The following ARHGAP19 variants were observed in gnomAD, a reference collection of about 807,000 sequenced individuals.
ARHGAP19 encodes the protein Rho GTPase activating protein 19.
ARHGAP19 carries 48 observed loss-of-function variants against 60.9 expected under a neutral mutation model. The ratio of observed to expected loss-of-function variants is 0.79; its 90% CI spans 0.62 to 1.00. The LOEUF is 1.00. Ranked by LOEUF, ARHGAP19 falls within the 50% of genes least tolerant of loss-of-function variation. The probability of loss-of-function intolerance (pLI) is 0.00; values close to 1 mark genes in which losing one functional copy is unlikely to be tolerated. For synonymous variants in ARHGAP19, 209 were observed against 215.5 expected (o/e 0.97, Z 0.27); for missense variants, 562 against 597.2 (o/e 0.94, Z 0.61).
intron 8 of ARHGAP19, among the ~76,000 whole-genome samples, chr10:97,241,982 C>A (rs1354950696): frequency 6.7e-6 from 1 of 149,948 alleles, no homozygotes; most frequent in Non-Finnish European, 1.5e-5. Flanking sequence ...TGCATTCCAG[C>A]CTGGGCGACA....
chr10:97,250,331 TAAAGGTCTTC>T (rs1842625473), intron 6 of ARHGAP19, among the ~76,000 whole-genome samples: 3 of 152,212 alleles, frequency 2.0e-5, no homozygotes, highest in South Asian at 4.1e-4. Flanking sequence ...TTTTTCAAAA[TAAAGGTCTTC>T]AAAGAGTCTC....
intron 6 of ARHGAP19, among the ~76,000 whole-genome samples, chr10:97,255,822 G>A (rs1842745916): frequency 6.6e-6 from 1 of 152,134 alleles, no homozygotes; most frequent in Non-Finnish European, 1.5e-5. Context: ...AGGTGACCAA[G>A]GTAGGGAAAG....
intron 8 of ARHGAP19, among the ~76,000 whole-genome samples, chr10:97,238,878 T>C (rs1842424287): frequency 6.6e-6 from 1 of 152,220 alleles, no homozygotes; most frequent in African/African-American, 2.4e-5. Flanking sequence ...CTTCCAATCC[T>C]GCAAGCTCCA....
intron 8 of ARHGAP19, among the ~76,000 whole-genome samples, chr10:97,237,888 C>T: frequency 6.6e-6 from 1 of 151,636 alleles, no homozygotes; most frequent in Admixed American, 6.6e-5. Flanking sequence ...AAACAAAAAA[C>T]AAAAAAACAA....
chr10:97,273,907 C>CTATGTACAAGCTATGTACAA lies in ARHGAP19; in HGVS notation c.57-7783_57-7782insTTGTACATAGCTTGTACATA, dbSNP rs530765690. Among the ~76,000 whole-genome samples the CTATGTACAAGCTATGTACAA allele has an allele frequency of 2.8e-3, 424 of 152,062 alleles. 1 individual carries two copies. The highest frequency in any genetic ancestry group is 3.5e-3 in the Non-Finnish European group (240 of 67,992). Reference sequence around the variant, plus strand: ...AGTAATGAAAATGGACAGACTCTAGCTATATGTACAATCACAGCTAAATCT... The same window carrying CTATGTACAAGCTATGTACAA: ...AGTAATGAAAATGGACAGACTCTAGCTATGTACAAGCTATGTACAATATATGTACAATCACAGCTAAATCT... On this transcript the variant is annotated intron_variant, in intron 1 of 11. Coordinates refer to ENST00000358531, the MANE Select transcript of ARHGAP19 (RefSeq NM_032900.6).
At chr10:97,236,263 C>T (rs918238523) in intron 8 of ARHGAP19, among the ~76,000 whole-genome samples, 1 of 152,260 alleles carries the variant, frequency 6.6e-6, no homozygotes, top group Non-Finnish European at 1.5e-5. Flanking sequence ...AGGCGTGAGA[C>T]ACCACACCCA....
intron 1 of ARHGAP19, among the ~76,000 whole-genome samples, chr10:97,278,387 G>A (rs756801664): frequency 1.3e-5 from 2 of 152,140 alleles, no homozygotes; most frequent in Admixed American, 6.5e-5. Context: ...CATGCCAAAC[G>A]TAACTTTCTG....
chr10:97,270,363 A>T (rs958223863), intron 1 of ARHGAP19, among the ~76,000 whole-genome samples: 2 of 152,240 alleles, frequency 1.3e-5, no homozygotes, highest in Non-Finnish European at 2.9e-5. Flanking sequence ...GATGGAAAAG[A>T]GTTACAGCGG....
rs188858831 is a variant in ARHGAP19, at chr10:97,225,997, G to T, written c.*125C>A. Reference sequence around the variant, plus strand: ...AGGTATCAGTCGGGTCACGGTATTAGTTGGCTTTGACAATTCAAAATGCAG... The same window carrying T: ...AGGTATCAGTCGGGTCACGGTATTATTTGGCTTTGACAATTCAAAATGCAG... On this transcript the variant is annotated 3_prime_UTR_variant, in exon 12 of 12. Coordinates refer to ENST00000358531, the MANE Select transcript of ARHGAP19 (RefSeq NM_032900.6). The T allele has an allele frequency of 1.1e-5, 11 of 1,026,430 alleles. No individual in the cohort carries two copies. The African/African-American group carries it at 1.3e-4, about 12-fold the overall frequency. The allele number at this position is 1,026,430 out of a possible 1,614,324, so 63.6% of individuals were successfully genotyped here.
chr10:97,244,352 C>A (rs574371970), intron 7 of ARHGAP19, among the ~76,000 whole-genome samples, 193 bp from the exon 8 acceptor site: 62 of 152,126 alleles, frequency 4.1e-4, no homozygotes, highest in African/African-American at 1.4e-3. Flanking sequence ...ATAGCCCACT[C>A]CCATGACCTG....
At position 97,292,586 on chromosome 10, in the gene ARHGAP19, G is replaced by A. The variant is rs780312341; in HGVS notation, c.42C>T (p.Arg14=). 2 of 1,614,164 alleles carry A rather than the reference G, an allele frequency of 1.2e-6. No homozygotes were observed. Among genetic ancestry groups the A allele is most frequent in the South Asian group, 1.1e-5 (1 of 91,080 alleles). Residue 14 remains arginine, a synonymous_variant, in exon 1 of 12, where the codon CGC becomes CGT. Coordinates refer to ENST00000358531, the MANE Select transcript of ARHGAP19 (RefSeq NM_032900.6). ...ACTCAGCTCACCTCCGGCCGGATTC[G>A]CGGGCTGGCACCTCCCCTTCACTCT... The part of the protein sequence containing the change: ...EAQSEGEVPA[R]ESGRSDAICS...
chr10:97,286,874 C>T (rs1843163087), intron 1 of ARHGAP19, among the ~76,000 whole-genome samples: 1 of 152,150 alleles, frequency 6.6e-6, no homozygotes, highest in African/African-American at 2.4e-5. Flanking sequence ...CCTGCTTTCG[C>T]CTTTTCTCTT....
chr10:97,280,079 A>T (rs1447074267), intron 1 of ARHGAP19, among the ~76,000 whole-genome samples: 1 of 152,090 alleles, frequency 6.6e-6, no homozygotes, highest in Non-Finnish European at 1.5e-5. Flanking sequence ...CCCTCATGCT[A>T]GTGTACAATG....
At chr10:97,269,039 A>G (rs1053562258) in intron 1 of ARHGAP19, among the ~76,000 whole-genome samples, 9 of 152,192 alleles carry the variant, frequency 5.9e-5, no homozygotes, top group Non-Finnish European at 1.0e-4. Context: ...GGCAGAATTG[A>G]AATTCACCTG....
intron 6 of ARHGAP19, among the ~76,000 whole-genome samples, chr10:97,254,258 G>A (rs111849851): frequency 1.2e-4 from 19 of 152,206 alleles, no homozygotes; most frequent in African/African-American, 4.6e-4. Flanking sequence ...TGGAGGACTC[G>A]AGCTTCCTGA....
At chr10:97,288,670 C>T (rs11189103) in intron 1 of ARHGAP19, among the ~76,000 whole-genome samples, 4 of 151,818 alleles carry the variant, frequency 2.6e-5, no homozygotes, top group East Asian at 1.9e-4. Context: ...TTTATCACCA[C>T]GAGAAAATAT....
At chr10:97,234,253 G>C (rs1851086135) in intron 9 of ARHGAP19, among the ~76,000 whole-genome samples, 1 of 151,714 alleles carries the variant, frequency 6.6e-6, no homozygotes, top group Admixed American at 6.6e-5. Flanking sequence ...GGCGACAACA[G>C]CGAGACTCTG....
intron 7 of ARHGAP19, 93 bp from the exon 8 acceptor site, chr10:97,244,252 G>A (rs1842531286): frequency 1.0e-6 from 1 of 1,003,080 alleles, no homozygotes; most frequent in Non-Finnish European, 1.5e-6. Flanking sequence ...AAGGGAGAGT[G>A]GGGACATGGT....
chr10:97,222,216 G>A lies in ARHGAP19; in HGVS notation c.*3906C>T, dbSNP rs916187592. ...CAATTTTAATTTCAGAATATTACAA[G>A]AATATAAAAGAAAGACAATGCATAG... On this transcript the variant is annotated 3_prime_UTR_variant, in exon 12 of 12. Coordinates refer to ENST00000358531, the MANE Select transcript of ARHGAP19 (RefSeq NM_032900.6). The A allele has an allele frequency of 3.3e-5, 5 of 152,142 alleles. No homozygotes were observed. Among genetic ancestry groups the A allele is most frequent in the Non-Finnish European group, 7.4e-5 (5 of 68,010 alleles). 9.4% of individuals were successfully genotyped at this position (152,142 alleles called of 1,614,324 possible).
Sources: gnomAD v4.1 joint callset for allele counts (sites outside exome capture counted in the v4.1 genomes callset) on GRCh38, gnomAD v4.1.1 for gene constraint, MANE v1.5 for transcripts, NCBI Gene and HGNC (gene_info 2026-07-23, HGNC 2026-07-21) for gene names.